The following TBXAS1 variants were observed in gnomAD, a reference collection of about 807,000 sequenced individuals.
TBXAS1 encodes thromboxane A synthase 1.
In TBXAS1, 48 loss-of-function variants were observed where a neutral mutation model predicts 60.7. That is an observed-to-expected ratio of 0.79 (90% CI 0.63 to 1.01). TBXAS1 has a LOEUF of 1.01. Ranked by LOEUF, TBXAS1 falls within the 50% of genes least tolerant of loss-of-function variation. The pLI, the probability that TBXAS1 is intolerant of heterozygous loss-of-function variation, is 0.00. For synonymous variants in TBXAS1, 287 were observed against 269.7 expected, an observed-to-expected ratio of 1.06 and a Z score of -0.63; for missense variants, 685 against 686.3, an observed-to-expected ratio of 1.00 and a Z score of 0.02.
rs1801427393 is a variant in TBXAS1 at position 139,866,520 on chromosome 7, G to A, written c.90-5715G>A. ...TGTAATCATGGCACTTTGGGAGGCT[G>A]AGGCAGGCAGATCGCTTGAGCCCAG... On this transcript the variant is annotated intron_variant, in intron 1 of 12. Transcript: ENST00000448866. Among the ~76,000 whole-genome samples, 3 of 151,664 alleles carry A rather than the reference G, an allele frequency of 2.0e-5. No homozygotes were observed. In the South Asian group the frequency reaches 6.3e-4, roughly 32 times the overall value.
rs559388015 is a variant in TBXAS1 at position 139,988,866 on chromosome 7, G to A, written c.1135-18225G>A. 7.9e-5 allele frequency among the ~76,000 whole-genome samples: 12 copies of A among 152,290 alleles called. No homozygotes were observed. The South Asian group carries it at 1.2e-3, about 16-fold the overall frequency. On this transcript the variant is annotated intron_variant, in intron 9 of 12. Coordinates refer to ENST00000448866, the MANE Select transcript of TBXAS1 (RefSeq NM_001061.7). ...ACAAGGAGCAGGCATCCCGTGTGGC[G>A]GGAGCAGGAACACTCTTGCTCAGGG...
intron 4 of TBXAS1, among the ~76,000 whole-genome samples, chr7:139,923,136 A>G (rs1473390367): frequency 2.0e-5 from 3 of 152,086 alleles, no homozygotes; most frequent in Non-Finnish European, 4.4e-5. Context: ...TGGGTAACAA[A>G]CCAAGACCCA....
At chr7:139,797,817 C>T (rs925284822) in intron 4 of TBXAS1, among the ~76,000 whole-genome samples, 1 of 152,216 alleles carries the variant, frequency 6.6e-6, no homozygotes, top group Non-Finnish European at 1.5e-5. Flanking sequence ...AGCCACACTG[C>T]CCTCAGAGTG....
chr7:139,927,768 C>A (rs976870687), intron 4 of TBXAS1, among the ~76,000 whole-genome samples: 1 of 151,928 alleles, frequency 6.6e-6, no homozygotes, highest in African/African-American at 2.4e-5. Flanking sequence ...AATAGTTTTA[C>A]TGTTATTGTA....
chr7:139,888,428 C>T (rs1803284397), intron 3 of TBXAS1, among the ~76,000 whole-genome samples: 1 of 152,230 alleles, frequency 6.6e-6, no homozygotes, highest in African/African-American at 2.4e-5. Context: ...CCTTCGATCT[C>T]TGGGCTTCCT....
chr7:139,863,016 T>C (rs1338255161), intron 1 of TBXAS1, among the ~76,000 whole-genome samples: 1 of 152,214 alleles, frequency 6.6e-6, no homozygotes, highest in Non-Finnish European at 1.5e-5. Context: ...TAGCAGCACC[T>C]TGGGTACATT....
rs924065535 is a variant in TBXAS1, at chr7:139,891,477, T to A, written c.236+15840T>A. On this transcript the variant is annotated intron_variant, in intron 3 of 12. Transcript: ENST00000448866. ...AAAAGGGCGTGTGGCTAGTAAGAGG[T>A]GTGAGCAGAGTTGCACAGGTTCTTT... 4.6e-5 allele frequency among the ~76,000 whole-genome samples: 7 copies of A among 152,136 alleles called. No homozygotes were observed. In the South Asian group the frequency reaches 1.5e-3, roughly 32 times the overall value.
At chr7:139,946,220 G>T (rs891163865) in intron 5 of TBXAS1, among the ~76,000 whole-genome samples, 1 of 152,188 alleles carries the variant, frequency 6.6e-6, no homozygotes, top group South Asian at 2.1e-4. Flanking sequence ...TGTAGTCCCA[G>T]ATATTAATAC....
At chr7:139,824,976 C>A (rs562050073), upstream of TBXAS1, among the ~76,000 whole-genome samples, 12 of 151,728 alleles carry the variant, frequency 7.9e-5, no homozygotes, top group Non-Finnish European at 1.6e-4. Context: ...ATTACAGGCA[C>A]CTGCCATCAT....
intron 5 of TBXAS1, among the ~76,000 whole-genome samples, chr7:139,942,408 G>C (rs1425123996): frequency 6.6e-6 from 1 of 152,230 alleles, no homozygotes; most frequent in East Asian, 1.9e-4. Context: ...GCTACTGAGA[G>C]AAATGAGTCT....
chr7:139,937,526 T>C (rs1356007303), intron 5 of TBXAS1, among the ~76,000 whole-genome samples: 2 of 151,962 alleles, frequency 1.3e-5, no homozygotes, highest in African/African-American at 2.4e-5. Flanking sequence ...TGGGTAGCTG[T>C]TGGTGTTTGG....
At chr7:139,911,342 A>C in intron 4 of TBXAS1, 21 bp downstream of exon 4, 1 of 1,589,000 alleles carries the variant, frequency 6.3e-7, no homozygotes, top group Non-Finnish European at 8.6e-7. Flanking sequence ...TTCTTTCCGC[A>C]TATAGATGGA....
intron 4 of TBXAS1, among the ~76,000 whole-genome samples, chr7:139,917,726 C>G (rs892398564): frequency 1.3e-5 from 2 of 152,192 alleles, no homozygotes; most frequent in Non-Finnish European, 2.9e-5. Context: ...CTCAAATGTA[C>G]TTCTCTCTGC....
chr7:139,869,418 C>T (rs1801660113), intron 1 of TBXAS1, among the ~76,000 whole-genome samples: 2 of 151,916 alleles, frequency 1.3e-5, no homozygotes, highest in Non-Finnish European at 2.9e-5. Flanking sequence ...GACAGAGTCT[C>T]ACTCTGTCAC....
intron 4 of TBXAS1, among the ~76,000 whole-genome samples, chr7:139,809,679 ATC>A (rs1226654018): frequency 1.3e-5 from 2 of 152,270 alleles, no homozygotes; most frequent in East Asian, 3.9e-4. Context: ...AAGGCCAGAG[ATC>A]TTGGAATTCT....
chr7:139,800,949 C>T (rs1438077929), intron 4 of TBXAS1, among the ~76,000 whole-genome samples: 1 of 152,196 alleles, frequency 6.6e-6, no homozygotes, highest in African/African-American at 2.4e-5. Context: ...TTTCCTTACT[C>T]TCATTTGTTC....
intron 5 of TBXAS1, among the ~76,000 whole-genome samples, chr7:139,941,543 T>C (rs566033405): frequency 1.3e-5 from 2 of 152,246 alleles, no homozygotes; most frequent in Non-Finnish European, 2.9e-5. Flanking sequence ...ATTGGAATCA[T>C]AGCCAGCGAC....
At chr7:139,855,486 G>C (rs1462649016) in intron 1 of TBXAS1, among the ~76,000 whole-genome samples, 1 of 152,008 alleles carries the variant, frequency 6.6e-6, no homozygotes, top group Admixed American at 6.6e-5. Flanking sequence ...CAAGCAGAGT[G>C]GGGGATGTCA....
intron 9 of TBXAS1, among the ~76,000 whole-genome samples, chr7:139,986,063 C>T (rs1812434415): frequency 6.6e-6 from 1 of 152,216 alleles, no homozygotes; most frequent in South Asian, 2.1e-4. Flanking sequence ...GGAACAGCGG[C>T]CCACCTAAAC....
Sources: gnomAD v4.1 joint callset for allele counts (sites outside exome capture counted in the v4.1 genomes callset) on GRCh38, gnomAD v4.1.1 for gene constraint, MANE v1.5 for transcripts, NCBI Gene and HGNC (gene_info 2026-07-23, HGNC 2026-07-21) for gene names.